The following KCNAB1 variants were observed in gnomAD, a reference collection of about 807,000 sequenced individuals.
The protein encoded by KCNAB1 is potassium voltage-gated channel subfamily A regulatory beta subunit 1.
A neutral mutation model predicts 64.6 loss-of-function variants in KCNAB1; 35 were observed. That is an observed-to-expected ratio of 0.54 (90% confidence interval 0.41 to 0.72). KCNAB1 has a LOEUF of 0.72. Among genes scored for constraint, KCNAB1 ranks in the 30% least tolerant of loss-of-function variants. The pLI, the probability that KCNAB1 is intolerant of heterozygous loss-of-function variation, is 0.00. For synonymous variants in KCNAB1, 177 were observed against 183.8 expected, an observed-to-expected ratio of 0.96 and a Z score of 0.30; for missense variants, 401 against 512.9, an observed-to-expected ratio of 0.78 and a Z score of 2.11.
chr3:156,156,523 A>C (rs1715736890), intron 1 of KCNAB1, among the ~76,000 whole-genome samples: 1 of 152,252 alleles, frequency 6.6e-6, no homozygotes, highest in African/African-American at 2.4e-5. Flanking sequence ...GGTGAGAAGT[A>C]GTTGGATTCT....
At chr3:156,215,440 T>C (rs1715259585) in intron 1 of KCNAB1, 1 of 152,232 alleles carries the variant, frequency 6.6e-6, no homozygotes, top group South Asian at 2.1e-4. Flanking sequence ...ATCCAGTTAA[T>C]AGAACAAGAT....
chr3:156,533,661 A>G (rs1198445708), intron 13 of KCNAB1, among the ~76,000 whole-genome samples: 1 of 152,142 alleles, frequency 6.6e-6, no homozygotes, highest in African/African-American at 2.4e-5. Context: ...GCAGTCATCC[A>G]GGCAGGAGGC....
At chr3:156,293,561 G>A (rs891256290) in intron 1 of KCNAB1, among the ~76,000 whole-genome samples, 4 of 152,154 alleles carry the variant, frequency 2.6e-5, no homozygotes, top group African/African-American at 7.2e-5. Context: ...TTTGATATAT[G>A]TTTGAGCCAT....
At chr3:156,477,814 G>T (rs541808851) in intron 8 of KCNAB1, among the ~76,000 whole-genome samples, 39 of 152,234 alleles carry the variant, frequency 2.6e-4, no homozygotes, top group African/African-American at 8.9e-4. Flanking sequence ...AGGACTGTCC[G>T]GTGGACTTGG....
intron 1 of KCNAB1, among the ~76,000 whole-genome samples, chr3:156,262,944 A>G (rs1194375101): frequency 6.6e-6 from 1 of 151,568 alleles, no homozygotes; most frequent in Non-Finnish European, 1.5e-5. Context: ...TTTGTTGTGA[A>G]GTTGTTCATA....
chr3:156,514,490 AT>A (rs1717427280), intron 9 of KCNAB1, 41 bp downstream of exon 9: 8 of 1,443,020 alleles, frequency 5.5e-6, no homozygotes, highest in Non-Finnish European at 6.8e-6. Flanking sequence ...TGAGTACCTT[AT>A]TATTGCTTTT....
chr3:156,221,158 C>G (rs1715705725), intron 1 of KCNAB1, among the ~76,000 whole-genome samples: 1 of 152,196 alleles, frequency 6.6e-6, no homozygotes, highest in Non-Finnish European at 1.5e-5. Flanking sequence ...CATGATACCT[C>G]CAGCTTTGTT....
chr3:156,321,811 C>A (rs1319466324), intron 1 of KCNAB1, among the ~76,000 whole-genome samples: 6 of 152,114 alleles, frequency 3.9e-5, no homozygotes, highest in Non-Finnish European at 8.8e-5. Context: ...AGAAACCAGG[C>A]AGTCTGGTTC....
chr3:156,514,837 T>C (rs1399757659), intron 9 of KCNAB1, among the ~76,000 whole-genome samples: 1 of 152,250 alleles, frequency 6.6e-6, no homozygotes, highest in Non-Finnish European at 1.5e-5. Context: ...ATTTTCTTTA[T>C]CGTAGTGTAC....
chr3:156,474,069 T>C (rs1343132569), intron 7 of KCNAB1, among the ~76,000 whole-genome samples: 1 of 152,188 alleles, frequency 6.6e-6, no homozygotes, highest in African/African-American at 2.4e-5. Flanking sequence ...TCATATTACG[T>C]CTTCAGTCTT....
chr3:156,283,683 C>G (rs1719890787), intron 1 of KCNAB1, among the ~76,000 whole-genome samples: 2 of 151,938 alleles, frequency 1.3e-5, no homozygotes, highest in Admixed American at 6.6e-5. Context: ...TCTTTTTTCT[C>G]TAGACTTCCC....
intron 1 of KCNAB1, among the ~76,000 whole-genome samples, chr3:156,175,424 T>C (rs1712290356): frequency 6.6e-6 from 1 of 152,234 alleles, no homozygotes; most frequent in South Asian, 2.1e-4. Context: ...ATCGAGACCA[T>C]CCTGGCTAAC....
intron 8 of KCNAB1, among the ~76,000 whole-genome samples, chr3:156,504,742 G>T (rs75034881): frequency 0.025 from 1,992 of 80,298 alleles, 12 homozygotes; most frequent in South Asian, 0.052. Flanking sequence ...TTTTGTTTTT[G>T]TTTTTTTTGT....
intron 1 of KCNAB1, among the ~76,000 whole-genome samples, chr3:156,255,368 C>T (rs899727476): frequency 6.6e-6 from 1 of 152,124 alleles, no homozygotes; most frequent in South Asian, 2.1e-4. Flanking sequence ...AGACTCAAGG[C>T]GTAAGATAGA....
At chr3:156,284,341 C>A (rs1011169886) in intron 1 of KCNAB1, among the ~76,000 whole-genome samples, 1 of 152,202 alleles carries the variant, frequency 6.6e-6, no homozygotes, top group Non-Finnish European at 1.5e-5. Flanking sequence ...TCTCCAGCTG[C>A]GTGCTCGGAG....
At chr3:156,222,015 C>T (rs1054355647) in intron 1 of KCNAB1, among the ~76,000 whole-genome samples, 1 of 151,962 alleles carries the variant, frequency 6.6e-6, no homozygotes, top group African/African-American at 2.4e-5. Context: ...AATTAAAAAA[C>T]AAAACAAAAC....
chr3:156,474,861 T>C (rs1714225370), intron 8 of KCNAB1, 41 bp downstream of exon 8: 1 of 1,473,540 alleles, frequency 6.8e-7, no homozygotes, highest in Non-Finnish European at 9.5e-7. Flanking sequence ...GAAATCTTGA[T>C]TCAGTTTGAG....
intron 1 of KCNAB1, among the ~76,000 whole-genome samples, chr3:156,318,125 GTCTT>G (rs531422260): frequency 5.5e-4 from 84 of 152,258 alleles, no homozygotes; most frequent in Middle Eastern, 3.4e-3. Flanking sequence ...TGTGCTGGGT[GTCTT>G]TCTTTCTTTC....
intron 11 of KCNAB1, among the ~76,000 whole-genome samples, chr3:156,521,207 C>G (rs1717919714): frequency 6.6e-6 from 1 of 152,186 alleles, no homozygotes; most frequent in South Asian, 2.1e-4. Flanking sequence ...ATGAATGGGA[C>G]AGTCTCAACC....
Sources: allele counts gnomAD v4.1 joint callset (sites outside exome capture counted in the v4.1 genomes callset), GRCh38; gene constraint gnomAD v4.1.1; transcripts MANE v1.5; gene names NCBI Gene and HGNC (gene_info 2026-07-23, HGNC 2026-07-21).